Variants in CNDP2 observed in about 807,000 individuals in gnomAD.
The protein encoded by CNDP2 is cytosolic non-specific dipeptidase.
CNDP2 carries 38 observed loss-of-function variants against 55.0 expected under a neutral mutation model. The ratio of observed to expected loss-of-function variants is 0.69; its 90% CI spans 0.53 to 0.90. The LOEUF (loss-of-function observed/expected upper bound fraction) is 0.90, where lower values mean the gene tolerates loss of function less well. Among genes scored for constraint, CNDP2 ranks in the 40% least tolerant of loss-of-function variants. The pLI, the probability that CNDP2 is intolerant of heterozygous loss-of-function variation, is 0.00. For missense variants in CNDP2, 607 were observed against 621.7 expected, an observed-to-expected ratio of 0.98 and a Z score of 0.25; for synonymous variants, 241 against 260.2, an observed-to-expected ratio of 0.93 and a Z score of 0.71.
chr18:74,504,234 G>C (rs960133817), intron 3 of CNDP2, among the ~76,000 whole-genome samples: 2 of 146,890 alleles, frequency 1.4e-5, no homozygotes, highest in Admixed American at 6.7e-5. Context: ...CGCCACACAC[G>C]CAGCCACAGT....
intron 1 of CNDP2, chr18:74,499,246 T>C (rs1978558605): frequency 6.6e-6 from 1 of 152,290 alleles, no homozygotes; most frequent in African/African-American, 2.4e-5. Flanking sequence ...TTGTATTCAT[T>C]GTGACTAACA....
chr18:74,520,035 G>T lies in CNDP2; in HGVS notation c.1395G>T (p.Ala465=), dbSNP rs145987468. Residue 465 remains alanine, a synonymous_variant, in exon 12 of 12, where the codon GCG becomes GCT. Coordinates refer to ENST00000324262, the MANE Select transcript of CNDP2 (RefSeq NM_018235.3). ...NYIEGTKMLA[A]YLYEVSQLKD The stretch of plus-strand genomic sequence containing the variant: ...TAGAGGGAACCAAGATGCTGGCCGC[G>T]TACCTGTATGAGGTCTCCCAGCTGA... 1 of 1,614,042 alleles carries T rather than the reference G, an allele frequency of 6.2e-7. No individual in the cohort carries two copies. The highest frequency in any genetic ancestry group is 1.1e-5 in the South Asian group (1 of 91,076).
At chr18:74,501,643 G>T (rs561510046) in intron 3 of CNDP2, among the ~76,000 whole-genome samples, 171 bp downstream of exon 3, 1 of 152,284 alleles carries the variant, frequency 6.6e-6, no homozygotes, top group East Asian at 1.9e-4. Flanking sequence ...GACTGCTTCA[G>T]TTGGATTGGG....
At chr18:74,516,123 G>A in intron 8 of CNDP2, 105 bp from the exon 9 acceptor site, 3 of 1,317,398 alleles carry the variant, frequency 2.3e-6, no homozygotes. Context: ...GCCAGGCCCT[G>A]TTTCATACCG....
At chr18:74,505,731 A>C (rs977336405) in intron 3 of CNDP2, 118 bp from the exon 4 acceptor site, 1 of 1,094,732 alleles carries the variant, frequency 9.1e-7, no homozygotes, top group Admixed American at 2.6e-5. Flanking sequence ...AAACTCTACA[A>C]TAGAGGTTGA....
chr18:74,513,886 G>A (rs545293899), intron 8 of CNDP2, 167 bp downstream of exon 8: 93 of 668,774 alleles, frequency 1.4e-4, no homozygotes, highest in South Asian at 1.3e-3. Flanking sequence ...GTTGCTGGTC[G>A]TTGGAATTTT....
At chr18:74,519,619 G>C (rs890369032) in intron 11 of CNDP2, among the ~76,000 whole-genome samples, 1 of 152,180 alleles carries the variant, frequency 6.6e-6, no homozygotes, top group East Asian at 1.9e-4. Context: ...CAAGGCAGAC[G>C]ATCAAGGACT....
chr18:74,514,948 G>A (rs1465385759), intron 8 of CNDP2, among the ~76,000 whole-genome samples: 1 of 152,212 alleles, frequency 6.6e-6, no homozygotes, highest in Non-Finnish European at 1.5e-5. Context: ...CAGTACCAAA[G>A]GCTGTGGGCC....
In CNDP2 at chr18:74,522,399, T is replaced by C. The variant is rs186206866; in HGVS notation, c.*2331T>C. On this transcript the variant is annotated 3_prime_UTR_variant, in exon 12 of 12. Transcript: ENST00000324262. Reference sequence around the variant, plus strand: ...AGAGTAGCTGCTGGTGTCTCATGCATGCGAGCTGCATATGGGCCCCCGTTA... The same window carrying C: ...AGAGTAGCTGCTGGTGTCTCATGCACGCGAGCTGCATATGGGCCCCCGTTA... The C allele has an allele frequency of 5.3e-5, 8 of 152,368 alleles. No individual in the cohort carries two copies. Among genetic ancestry groups the C allele is most frequent in the African/African-American group, 1.7e-4 (7 of 41,588 alleles). The allele number at this position is 152,368 out of a possible 1,614,324, so 9.4% of individuals were successfully genotyped here.
intron 8 of CNDP2, among the ~76,000 whole-genome samples, chr18:74,515,419 G>A (rs1191495670): frequency 1.3e-5 from 2 of 152,162 alleles, no homozygotes; most frequent in Non-Finnish European, 2.9e-5. Flanking sequence ...CCTGGGAGAA[G>A]GTGGGTCTGT....
intron 5 of CNDP2, chr18:74,509,738 AG>A (rs1599065930): frequency 8.2e-6 from 1 of 121,516 alleles, no homozygotes; most frequent in East Asian, 3.7e-4. Context: ...TAGAATCCAA[AG>A]ACAGTTAGTA....
intron 2 of CNDP2, among the ~76,000 whole-genome samples, chr18:74,500,633 T>A (rs182510735): frequency 8.5e-5 from 13 of 152,354 alleles, no homozygotes; most frequent in African/African-American, 2.9e-4. Flanking sequence ...GACATTTTTC[T>A]TTTGTACTCT....
At chr18:74,518,676 G>A in intron 10 of CNDP2, 36 bp downstream of exon 10, 2 of 1,613,020 alleles carry the variant, frequency 1.2e-6, no homozygotes, top group South Asian at 1.1e-5. Context: ...GCCGCGCAGG[G>A]CCCTTCGCAC....
In CNDP2 at chr18:74,518,718, G is replaced by A. The variant is rs1218740221; in HGVS notation, c.1210+78G>A. The A allele has an allele frequency of 4.2e-5, 66 of 1,575,368 alleles. 1 individual carries two copies. The highest frequency in any genetic ancestry group is 2.5e-4 in the South Asian group (22 of 89,550). On this transcript the variant is annotated intron_variant, in intron 10 of 11. Transcript: ENST00000324262. Reference sequence around the variant, plus strand: ...CAGGACTCTGCTATATCGCGTGGGCGTGTAGCTATGTCGGGGGCGCTGCTG... The same window carrying A: ...CAGGACTCTGCTATATCGCGTGGGCATGTAGCTATGTCGGGGGCGCTGCTG...
chr18:74,505,085 T>C (rs1344988938), intron 3 of CNDP2: 1 of 152,224 alleles, frequency 6.6e-6, no homozygotes, highest in Admixed American at 6.5e-5. Flanking sequence ...AATGGCTAAA[T>C]GTGAATTTAG....
chr18:74,518,263 GAAAAAAT>G (rs1979821380), intron 9 of CNDP2: 2 of 365,880 alleles, frequency 5.5e-6, no homozygotes, highest in South Asian at 3.7e-5. Flanking sequence ...CTCCATCTCA[GAAAAAAT>G]AAAAAATAAA....
chr18:74,522,318 T>A lies in CNDP2; in HGVS notation c.*2250T>A, dbSNP rs1980098623. 6.6e-6 allele frequency: 1 copy of A among 152,264 alleles called. No individual in the cohort carries two copies. The highest frequency in any genetic ancestry group is 1.5e-5 in the Non-Finnish European group (1 of 68,068). The allele number at this position is 152,264 out of a possible 1,614,324, so 9.4% of individuals were successfully genotyped here. A position where few individuals can be genotyped will look rare whatever the true frequency, so the allele number is the denominator to read the frequency against. ...TCCATCAGAACTGTGAGAAATGCATTCTTTCAGCTTCTAATCCTGCAAAAA... is the reference window on the plus strand; with the variant it reads ...TCCATCAGAACTGTGAGAAATGCATACTTTCAGCTTCTAATCCTGCAAAAA... On this transcript the variant is annotated 3_prime_UTR_variant, in exon 12 of 12. Coordinates refer to ENST00000324262, the MANE Select transcript of CNDP2 (RefSeq NM_018235.3).
intron 3 of CNDP2, among the ~76,000 whole-genome samples, chr18:74,503,992 G>T (rs112657888): frequency 1.4e-5 from 2 of 146,518 alleles, no homozygotes; most frequent in African/African-American, 2.6e-5. Context: ...GGACAAATGA[G>T]GGGCGTCAGG....
chr18:74,519,862 C>A, intron 11 of CNDP2, 137 bp from the exon 12 acceptor site: 1 of 707,342 alleles, frequency 1.4e-6, no homozygotes, highest in Non-Finnish European at 2.4e-6. Flanking sequence ...GCAAGCAGGG[C>A]TCAGGGCCCC....
Sources: gnomAD v4.1 joint callset for allele counts (sites outside exome capture counted in the v4.1 genomes callset) on GRCh38, gnomAD v4.1.1 for gene constraint, MANE v1.5 for transcripts, NCBI Gene and HGNC (gene_info 2026-07-23, HGNC 2026-07-21) for gene names.